The following ZNF804B variants were observed in gnomAD, a reference collection of about 807,000 sequenced individuals.
The protein encoded by ZNF804B is zinc finger protein 804B.
A neutral mutation model predicts 101.4 loss-of-function variants in ZNF804B; 80 were observed. The ratio of observed to expected loss-of-function variants is 0.79; its 90% CI spans 0.66 to 0.95. The LOEUF (loss-of-function observed/expected upper bound fraction) is 0.95. ZNF804B is among the 40% of genes least tolerant of loss of function. The probability of loss-of-function intolerance (pLI) is 0.00; values close to 1 mark genes in which losing one functional copy is unlikely to be tolerated. For synonymous variants in ZNF804B, 622 were observed against 558.8 expected, an observed-to-expected ratio of 1.11 and a Z score of -1.59; for missense variants, 1,673 against 1,561.9, an observed-to-expected ratio of 1.07 and a Z score of -1.20.
intron 1 of ZNF804B, among the ~76,000 whole-genome samples, chr7:88,922,194 A>G (rs1792728755): frequency 6.6e-6 from 1 of 152,110 alleles, no homozygotes; most frequent in East Asian, 1.9e-4. Flanking sequence ...TATGCAAAGT[A>G]AAGCATGAGA....
intron 2 of ZNF804B, among the ~76,000 whole-genome samples, chr7:89,220,984 T>A (rs1788996366): frequency 6.6e-6 from 1 of 151,934 alleles, no homozygotes; most frequent in Non-Finnish European, 1.5e-5. Context: ...CAGACATATT[T>A]TTTTCATGGC....
At chr7:88,900,065 G>A (rs1348261567) in intron 1 of ZNF804B, among the ~76,000 whole-genome samples, 1 of 152,054 alleles carries the variant, frequency 6.6e-6, no homozygotes, top group East Asian at 1.9e-4. Flanking sequence ...GTTTAACATT[G>A]AAGGTTGAGA....
In ZNF804B at chr7:88,828,839, C is replaced by T. The variant is rs186085724; in HGVS notation, c.108+68755C>T. On this transcript the variant is annotated intron_variant, in intron 1 of 3. Coordinates refer to ENST00000333190, the MANE Select transcript of ZNF804B (RefSeq NM_181646.5). ...TTCTTTAGTCTGTTATTGGTCAATA[C>T]ATTTTCTTAGATGCCATCAAAGGTA... 2.3e-3 allele frequency among the ~76,000 whole-genome samples: 346 copies of T among 152,150 alleles called. 3 individuals carry two copies. The highest frequency in any genetic ancestry group is 8.0e-3 in the African/African-American group (332 of 41,540).
Position 89,016,205 on chromosome 7 carries a change from T to G in ZNF804B, c.109-201950T>G, listed in dbSNP as rs545801118. 5.2e-3 allele frequency among the ~76,000 whole-genome samples: 785 copies of G among 152,264 alleles called. 3 individuals carry two copies. The highest frequency in any genetic ancestry group is 0.018 in the African/African-American group (727 of 41,536). On this transcript the variant is annotated intron_variant, in intron 1 of 3. Coordinates refer to ENST00000333190, the MANE Select transcript of ZNF804B (RefSeq NM_181646.5). ...GGTTGTTTGTTTTTTTCTTGTAAAT[T>G]TGTTTGAGTTCATTGTAGATTCTGG...
intron 2 of ZNF804B, among the ~76,000 whole-genome samples, chr7:89,253,786 G>T (rs1789579706): frequency 6.6e-6 from 1 of 152,000 alleles, no homozygotes; most frequent in South Asian, 2.1e-4. Flanking sequence ...TACGTTATTT[G>T]CATCTCAATC....
chr7:88,898,427 A>T (rs1195435219), intron 1 of ZNF804B, among the ~76,000 whole-genome samples: 1 of 151,538 alleles, frequency 6.6e-6, no homozygotes, highest in Non-Finnish European at 1.5e-5. Context: ...CATTCTCTGC[A>T]TCTCGTCTTC....
chr7:89,197,542 A>G (rs889520552), intron 1 of ZNF804B, among the ~76,000 whole-genome samples: 6 of 151,818 alleles, frequency 4.0e-5, no homozygotes, highest in Non-Finnish European at 7.4e-5. Flanking sequence ...AATATTTTGT[A>G]TATACTATAA....
At chr7:89,031,655 G>GT (rs1302613049) in intron 1 of ZNF804B, among the ~76,000 whole-genome samples, 86 of 141,662 alleles carry the variant, frequency 6.1e-4, no homozygotes, top group Middle Eastern at 3.7e-3. Context: ...TAGGCTTCTG[G>GT]TTTTTGTTTT....
At chr7:88,955,629 A>G (rs2116078616) in intron 1 of ZNF804B, among the ~76,000 whole-genome samples, 1 of 151,824 alleles carries the variant, frequency 6.6e-6, no homozygotes, top group East Asian at 2.0e-4. Context: ...TAACACTTAT[A>G]ATTGAATTCA....
intron 1 of ZNF804B, among the ~76,000 whole-genome samples, chr7:88,969,919 A>G (rs1387643707): frequency 1.3e-5 from 2 of 151,610 alleles, no homozygotes; most frequent in African/African-American, 2.4e-5. Flanking sequence ...ATTATTTCCA[A>G]AAATGAGAAT....
At chr7:89,249,767 G>GA (rs898763787) in intron 2 of ZNF804B, among the ~76,000 whole-genome samples, 2 of 151,746 alleles carry the variant, frequency 1.3e-5, no homozygotes, top group African/African-American at 4.8e-5. Flanking sequence ...GGTAGCTGAA[G>GA]AAAAAAAATA....
intron 1 of ZNF804B, among the ~76,000 whole-genome samples, chr7:88,797,924 T>C (rs898203565): frequency 6.6e-6 from 1 of 152,156 alleles, no homozygotes; most frequent in African/African-American, 2.4e-5. Context: ...ACCTTGTCAG[T>C]TTCCCACTAT....
chr7:88,957,034 T>A (rs1793320573), intron 1 of ZNF804B, among the ~76,000 whole-genome samples: 1 of 151,494 alleles, frequency 6.6e-6, no homozygotes, highest in Non-Finnish European at 1.5e-5. Flanking sequence ...TTTGATACAC[T>A]TTGAATTGCA....
intron 2 of ZNF804B, among the ~76,000 whole-genome samples, chr7:89,229,536 A>G (rs1451433510): frequency 3.3e-5 from 5 of 152,244 alleles, no homozygotes; most frequent in East Asian, 3.8e-4. Flanking sequence ...TATGTATTCA[A>G]CTCACAACAG....
At chr7:89,184,855 G>A (rs1200271000) in intron 1 of ZNF804B, among the ~76,000 whole-genome samples, 2 of 147,874 alleles carry the variant, frequency 1.4e-5, no homozygotes, top group Non-Finnish European at 3.0e-5. Flanking sequence ...TGACAAAAAC[G>A]TGTATATTCC....
chr7:88,874,260 G>A (rs1791887011), intron 1 of ZNF804B, among the ~76,000 whole-genome samples: 1 of 151,952 alleles, frequency 6.6e-6, no homozygotes, highest in Non-Finnish European at 1.5e-5. Flanking sequence ...CTCATGATTT[G>A]GCTTTCTGTT....
chr7:89,047,523 C>G (rs1789129015), intron 1 of ZNF804B, among the ~76,000 whole-genome samples: 2 of 152,142 alleles, frequency 1.3e-5, no homozygotes, highest in Admixed American at 1.3e-4. Flanking sequence ...GAAGCATAGC[C>G]TCCAGCCAGA....
chr7:88,942,798 T>C (rs1793075038), intron 1 of ZNF804B, among the ~76,000 whole-genome samples: 1 of 151,906 alleles, frequency 6.6e-6, no homozygotes, highest in African/African-American at 2.4e-5. Flanking sequence ...TTCTTAAACA[T>C]TTCCATTCTC....
intron 2 of ZNF804B, among the ~76,000 whole-genome samples, chr7:89,226,623 G>T (rs990502540): frequency 6.6e-6 from 1 of 151,880 alleles, no homozygotes; most frequent in South Asian, 2.1e-4. Context: ...ATAAAATGTG[G>T]TTATGCTATA....
Sources: gnomAD v4.1 joint callset for allele counts (sites outside exome capture counted in the v4.1 genomes callset) on GRCh38, gnomAD v4.1.1 for gene constraint, MANE v1.5 for transcripts, NCBI Gene and HGNC (gene_info 2026-07-23, HGNC 2026-07-21) for gene names.